The following FRMD4B variants were observed in gnomAD, a reference collection of about 807,000 sequenced individuals.
FRMD4B encodes the protein FERM domain-containing protein 4B.
Under a neutral mutation model 141.5 loss-of-function variants are expected in FRMD4B, and 74 were observed. That is an observed-to-expected ratio of 0.52 (90% CI 0.43 to 0.63). FRMD4B has a LOEUF of 0.63. Ranked by LOEUF, FRMD4B falls within the 30% of genes least tolerant of loss-of-function variation. FRMD4B has a pLI of 0.00. For missense variants in FRMD4B, 1,366 were observed against 1,253.4 expected, an observed-to-expected ratio of 1.09 and a Z score of -1.36; for synonymous variants, 506 against 467.9, an observed-to-expected ratio of 1.08 and a Z score of -1.05.
chr3:69,332,410 G>A (rs1420562415), intron 1 of FRMD4B, among the ~76,000 whole-genome samples: 1 of 152,140 alleles, frequency 6.6e-6, no homozygotes, highest in Non-Finnish European at 1.5e-5. Context: ...GAGGCCCAAA[G>A]AAGCAGCTAC....
At chr3:69,178,462 T>C (rs2092672244) in intron 21 of FRMD4B, among the ~76,000 whole-genome samples, 1 of 152,016 alleles carries the variant, frequency 6.6e-6, no homozygotes, top group South Asian at 2.1e-4. Context: ...GAAGATCACT[T>C]GCAGCTAGGG....
chr3:69,260,068 T>A (rs2093516106), intron 5 of FRMD4B, among the ~76,000 whole-genome samples: 1 of 152,224 alleles, frequency 6.6e-6, no homozygotes, highest in Admixed American at 6.5e-5. Context: ...CACAAATGTA[T>A]AGCAAACGCT....
chr3:69,336,055 G>T (rs1422896762), intron 1 of FRMD4B, among the ~76,000 whole-genome samples: 1 of 151,988 alleles, frequency 6.6e-6, no homozygotes, highest in Non-Finnish European at 1.5e-5. Context: ...GAAAACTATT[G>T]TAATACCTAA....
chr3:69,267,245 C>A (rs1005397613), intron 5 of FRMD4B, among the ~76,000 whole-genome samples: 3 of 152,070 alleles, frequency 2.0e-5, no homozygotes, highest in African/African-American at 7.2e-5. Context: ...GGCAGCTGCC[C>A]TATACTCTTC....
intron 7 of FRMD4B, among the ~76,000 whole-genome samples, chr3:69,242,491 T>A: frequency 3.7e-5 from 1 of 26,840 alleles, no homozygotes; most frequent in Non-Finnish European, 8.0e-5. Context: ...TTTTTTTTTT[T>A]TTTTTTTTTT....
chr3:69,258,214 C>T (rs1234429224), intron 5 of FRMD4B, among the ~76,000 whole-genome samples: 1 of 152,180 alleles, frequency 6.6e-6, no homozygotes, highest in Non-Finnish European at 1.5e-5. Flanking sequence ...AATCCTCCTC[C>T]CTCAGCTTCC....
At chr3:69,362,511 C>T (rs6807930) in intron 1 of FRMD4B, among the ~76,000 whole-genome samples, 55,654 of 152,044 alleles carry the variant, frequency 0.37, 12,148 homozygotes, top group African/African-American at 0.61. Flanking sequence ...CACCCCATCT[C>T]TACTAAAAGT....
At chr3:69,504,427 T>C (rs1309472356) in intron 1 of FRMD4B, among the ~76,000 whole-genome samples, 1 of 152,186 alleles carries the variant, frequency 6.6e-6, no homozygotes, top group African/African-American at 2.4e-5. Flanking sequence ...GTTTGGAACA[T>C]TTTTGTCATT....
At chr3:69,173,368 C>T (rs966142202) in intron 22 of FRMD4B, among the ~76,000 whole-genome samples, 1 of 151,808 alleles carries the variant, frequency 6.6e-6, no homozygotes, top group Admixed American at 6.6e-5. Context: ...TTTTAAGACC[C>T]GGATACTCTA....
chr3:69,344,429 T>C (rs1324901563), intron 1 of FRMD4B, among the ~76,000 whole-genome samples: 2 of 152,158 alleles, frequency 1.3e-5, no homozygotes, highest in African/African-American at 4.8e-5. Context: ...AGCTGTAATA[T>C]ATTTGGGTAA....
intron 1 of FRMD4B, among the ~76,000 whole-genome samples, chr3:69,533,299 G>C (rs1701030555): frequency 6.6e-6 from 1 of 152,196 alleles, no homozygotes; most frequent in African/African-American, 2.4e-5. Flanking sequence ...ACAAAAAGCA[G>C]AGACTCTTGC....
intron 1 of FRMD4B, among the ~76,000 whole-genome samples, chr3:69,527,877 G>A (rs919559674): frequency 1.3e-5 from 2 of 152,114 alleles, no homozygotes; most frequent in African/African-American, 4.8e-5. Flanking sequence ...GGTAATTTAG[G>A]GTTCTGATAG....
At chr3:69,345,485 G>A (rs1281191087) in intron 1 of FRMD4B, among the ~76,000 whole-genome samples, 1 of 152,212 alleles carries the variant, frequency 6.6e-6, no homozygotes, top group African/African-American at 2.4e-5. Flanking sequence ...TTTGAAGAGA[G>A]TAGTTGTTCT....
chr3:69,534,008 T>C (rs1701044163), intron 1 of FRMD4B, among the ~76,000 whole-genome samples: 1 of 152,152 alleles, frequency 6.6e-6, no homozygotes, highest in Non-Finnish European at 1.5e-5. Context: ...CAAAGTGAGG[T>C]CCACAGACCA....
At chr3:69,451,680 T>C (rs4303865) in intron 1 of FRMD4B, among the ~76,000 whole-genome samples, 49,619 of 152,006 alleles carry the variant, frequency 0.33, 8,336 homozygotes, top group African/African-American at 0.39. Flanking sequence ...TCTTCTCTGG[T>C]GGGTAAGATG....
At chr3:69,482,803 A>G (rs1317202386) in intron 1 of FRMD4B, among the ~76,000 whole-genome samples, 1 of 152,192 alleles carries the variant, frequency 6.6e-6, no homozygotes, top group Admixed American at 6.5e-5. Flanking sequence ...CCTAAATAAC[A>G]TCGCATCCCA....
At chr3:69,508,182 T>C (rs1003343632) in intron 1 of FRMD4B, among the ~76,000 whole-genome samples, 1 of 152,182 alleles carries the variant, frequency 6.6e-6, no homozygotes, top group Non-Finnish European at 1.5e-5. Context: ...CTTTTTTGTT[T>C]CCTGAATGGC....
intron 21 of FRMD4B, 21 bp downstream of exon 21, chr3:69,180,878 G>T (rs545542453): frequency 1.1e-5 from 16 of 1,492,274 alleles, no homozygotes; most frequent in Middle Eastern, 1.8e-4. Context: ...CAGGTGTTGC[G>T]TGTTTTTACA....
At chr3:69,297,237 A>G (rs1241708548) in intron 4 of FRMD4B, among the ~76,000 whole-genome samples, 1 of 152,156 alleles carries the variant, frequency 6.6e-6, no homozygotes, top group Non-Finnish European at 1.5e-5. Flanking sequence ...CCAGGCCAGG[A>G]GCGATGAGAA....
Sources: gnomAD v4.1 joint callset for allele counts (sites outside exome capture counted in the v4.1 genomes callset) on GRCh38, gnomAD v4.1.1 for gene constraint, MANE v1.5 for transcripts, NCBI Gene and HGNC (gene_info 2026-07-23, HGNC 2026-07-21) for gene names.